The following FBXW7 variants were observed in gnomAD, a reference collection of about 807,000 sequenced individuals.
FBXW7 encodes F-box and WD repeat domain containing 7.
A neutral mutation model predicts 86.3 loss-of-function variants in FBXW7; 11 were observed. That is an observed-to-expected ratio of 0.13 (90% confidence interval 0.08 to 0.21). FBXW7 has a LOEUF of 0.21. Among genes scored for constraint, FBXW7 ranks in the 10% least tolerant of loss-of-function variants. The pLI is 1.00. For missense variants in FBXW7, 488 were observed against 847.4 expected, an observed-to-expected ratio of 0.58 and a Z score of 5.27; for synonymous variants, 313 against 297.9, an observed-to-expected ratio of 1.05 and a Z score of -0.52.
chr4:152,495,079 C>G (rs1746197144), intron 2 of FBXW7, among the ~76,000 whole-genome samples: 1 of 152,076 alleles, frequency 6.6e-6, no homozygotes, highest in Admixed American at 6.6e-5. Flanking sequence ...AACACTGTAT[C>G]AGATCAGATC....
intron 2 of FBXW7, among the ~76,000 whole-genome samples, chr4:152,468,802 A>T (rs1681609503): frequency 6.6e-6 from 1 of 152,124 alleles, no homozygotes; most frequent in Non-Finnish European, 1.5e-5. Flanking sequence ...AGCATATAAC[A>T]CAAAGACGAC....
At chr4:152,435,250 T>C in intron 2 of FBXW7, among the ~76,000 whole-genome samples, 1 of 152,224 alleles carries the variant, frequency 6.6e-6, no homozygotes, top group East Asian at 1.9e-4. Context: ...CAGAACCCAT[T>C]TGAGTTTTGT....
At chr4:152,391,461 A>G (rs1254853761) in intron 4 of FBXW7, among the ~76,000 whole-genome samples, 1 of 152,176 alleles carries the variant, frequency 6.6e-6, no homozygotes, top group Non-Finnish European at 1.5e-5. Context: ...AAACAAAGAA[A>G]TAAAATTCAA....
At chr4:152,331,659 G>A (rs545708680) in intron 8 of FBXW7, among the ~76,000 whole-genome samples, 1 of 152,084 alleles carries the variant, frequency 6.6e-6, no homozygotes, top group African/African-American at 2.4e-5. Flanking sequence ...AACACAGATG[G>A]TAGTTGCAAA....
intron 2 of FBXW7, among the ~76,000 whole-genome samples, chr4:152,415,098 T>C (rs1035246641): frequency 6.6e-6 from 1 of 152,128 alleles, no homozygotes; most frequent in Non-Finnish European, 1.5e-5. Context: ...TAGGAATGCT[T>C]AGAGGAATAA....
chr4:152,340,085 ATATT>A (rs1730572334), intron 6 of FBXW7, among the ~76,000 whole-genome samples: 2 of 152,178 alleles, frequency 1.3e-5, no homozygotes, highest in African/African-American at 4.8e-5. Flanking sequence ...AAATTTCCAT[ATATT>A]TAAGAAAAAG....
In FBXW7 at chr4:152,397,844, C is replaced by T. The variant is rs564506487; in HGVS notation, c.501+13459G>A. 5.9e-5 allele frequency among the ~76,000 whole-genome samples: 9 copies of T among 151,820 alleles called. No individual in the cohort carries two copies. In the East Asian group the frequency reaches 1.7e-3, roughly 29 times the overall value. ...GACATTTAGACAAGGGAAGTAGCTT[C>T]TTTGGAGAGATAATTCTTTTCTCAC... On this transcript the variant is annotated intron_variant, in intron 4 of 13. Coordinates refer to ENST00000281708, the MANE Select transcript of FBXW7 (RefSeq NM_001349798.2).
At chr4:152,456,135 T>C (rs932132754) in intron 2 of FBXW7, among the ~76,000 whole-genome samples, 5 of 151,570 alleles carry the variant, frequency 3.3e-5, no homozygotes, top group Non-Finnish European at 5.9e-5. Flanking sequence ...AACCACAAAC[T>C]GAAAAAAATC....
At chr4:152,345,350 C>G (rs1227814423) in intron 6 of FBXW7, among the ~76,000 whole-genome samples, 2 of 152,000 alleles carry the variant, frequency 1.3e-5, no homozygotes, top group Non-Finnish European at 2.9e-5. Flanking sequence ...GTTTAATCAA[C>G]AAATGACTAT....
At chr4:152,435,525 T>C (rs1740305999) in intron 2 of FBXW7, among the ~76,000 whole-genome samples, 1 of 152,220 alleles carries the variant, frequency 6.6e-6, no homozygotes, top group African/African-American at 2.4e-5. Flanking sequence ...GGAGGCACAC[T>C]TAAAATAATT....
At chr4:152,399,501 A>G (rs1340192078) in intron 4 of FBXW7, among the ~76,000 whole-genome samples, 2 of 152,186 alleles carry the variant, frequency 1.3e-5, no homozygotes, top group Admixed American at 1.3e-4. Flanking sequence ...AGTAAAAGAT[A>G]AAGAGATTAA....
intron 2 of FBXW7, among the ~76,000 whole-genome samples, chr4:152,472,374 C>T (rs2149654376): frequency 6.6e-6 from 1 of 152,130 alleles, no homozygotes; most frequent in South Asian, 2.1e-4. Flanking sequence ...TTTGTAAGAA[C>T]CCAAAATTGA....
intron 2 of FBXW7, among the ~76,000 whole-genome samples, chr4:152,430,817 A>G (rs562185052): frequency 5.3e-5 from 8 of 152,312 alleles, no homozygotes; most frequent in Non-Finnish European, 1.0e-4. Context: ...ACTAAGATGG[A>G]TATTCTTCTG....
intron 2 of FBXW7, among the ~76,000 whole-genome samples, chr4:152,462,306 C>T (rs939364857): frequency 2.6e-5 from 4 of 152,200 alleles, no homozygotes; most frequent in Non-Finnish European, 5.9e-5. Flanking sequence ...ACGCAAATTG[C>T]ATGCAAGTTG....
At chr4:152,501,004 T>A (rs998344589) in intron 2 of FBXW7, among the ~76,000 whole-genome samples, 5 of 152,182 alleles carry the variant, frequency 3.3e-5, no homozygotes, top group Non-Finnish European at 7.3e-5. Flanking sequence ...AATTTGTGCC[T>A]CTAGAGGGCA....
intron 2 of FBXW7, among the ~76,000 whole-genome samples, chr4:152,459,512 C>T (rs1742742056): frequency 6.6e-6 from 1 of 152,046 alleles, no homozygotes; most frequent in Non-Finnish European, 1.5e-5. Flanking sequence ...ATTCATACAC[C>T]CAGGTGATCA....
chr4:152,379,060 A>G (rs770401014), intron 4 of FBXW7, among the ~76,000 whole-genome samples: 2 of 152,120 alleles, frequency 1.3e-5, no homozygotes, highest in African/African-American at 4.8e-5. Flanking sequence ...GCATCTTAAT[A>G]TAATTTCTCT....
intron 2 of FBXW7, among the ~76,000 whole-genome samples, chr4:152,519,391 T>C (rs1435052595): frequency 1.3e-5 from 2 of 152,202 alleles, no homozygotes; most frequent in East Asian, 3.8e-4. Flanking sequence ...TAACAAATGT[T>C]GATTCTCAGA....
chr4:152,337,667 C>A (rs1468483098), intron 7 of FBXW7, 135 bp downstream of exon 7: 1 of 850,300 alleles, frequency 1.2e-6, no homozygotes, highest in East Asian at 2.7e-5. Flanking sequence ...ATTTACAGCC[C>A]TCTTTACCAC....
Sources: allele counts gnomAD v4.1 joint callset (sites outside exome capture counted in the v4.1 genomes callset), GRCh38; gene constraint gnomAD v4.1.1; transcripts MANE v1.5; gene names NCBI Gene and HGNC (gene_info 2026-07-23, HGNC 2026-07-21).